Variants in MYCBP2 observed in about 807,000 individuals in gnomAD.
MYCBP2 encodes the protein MYC binding protein 2.
Under a neutral mutation model 525.3 loss-of-function variants are expected in MYCBP2, and 120 were observed. That is an observed-to-expected ratio of 0.23 (90% CI 0.20 to 0.27). The LOEUF (loss-of-function observed/expected upper bound fraction) is 0.27. MYCBP2 is among the 10% of genes least tolerant of loss of function. MYCBP2 has a pLI of 1.00. For missense variants in MYCBP2, 4,149 were observed against 5,657.1 expected, an observed-to-expected ratio of 0.73 and a Z score of 8.55; for synonymous variants, 1,894 against 1,955.8, an observed-to-expected ratio of 0.97 and a Z score of 0.83.
At chr13:77,070,365 G>A (rs966970191) in intron 69 of MYCBP2, among the ~76,000 whole-genome samples, 2 of 152,082 alleles carry the variant, frequency 1.3e-5, no homozygotes, top group Admixed American at 1.3e-4. Context: ...TTTGAATGTG[G>A]CCCAACACAA....
chr13:77,132,192 G>C (rs1411022311), intron 52 of MYCBP2, among the ~76,000 whole-genome samples: 1 of 151,994 alleles, frequency 6.6e-6, no homozygotes, highest in Non-Finnish European at 1.5e-5. Context: ...TAATATTATT[G>C]AGATTAAAAC....
chr13:77,103,370 G>C (rs1439670344), intron 55 of MYCBP2: 2 of 396,514 alleles, frequency 5.0e-6, no homozygotes, highest in Non-Finnish European at 8.9e-6. Context: ...AAATTTAGCA[G>C]AGAACACAAG....
At chr13:77,293,784 C>A (rs1046472071) in intron 2 of MYCBP2, among the ~76,000 whole-genome samples, 8 of 152,130 alleles carry the variant, frequency 5.3e-5, no homozygotes, top group African/African-American at 1.7e-4. Flanking sequence ...CCCAAGACAT[C>A]TGAGCAGCCT....
chr13:77,070,578 A>C (rs1306676784), intron 69 of MYCBP2, 53 bp downstream of exon 69: 30 of 1,272,080 alleles, frequency 2.4e-5, no homozygotes, highest in Non-Finnish European at 3.2e-5. Context: ...AAACAAACAC[A>C]CACACACACA....
intron 5 of MYCBP2, among the ~76,000 whole-genome samples, 185 bp downstream of exon 5, chr13:77,273,287 T>C (rs1178657170): frequency 6.6e-6 from 1 of 152,198 alleles, no homozygotes; most frequent in Admixed American, 6.5e-5. Flanking sequence ...TTATTATATT[T>C]AAAGCTTCAG....
intron 54 of MYCBP2, 66 bp from the exon 55 acceptor site, chr13:77,121,561 A>T: frequency 7.3e-7 from 1 of 1,376,618 alleles, no homozygotes; most frequent in Admixed American, 2.6e-5. Flanking sequence ...TACAACAAAG[A>T]GAGAAAATTG....
At chr13:77,142,086 AT>A (rs2054748325) in intron 49 of MYCBP2, among the ~76,000 whole-genome samples, 1 of 152,308 alleles carries the variant, frequency 6.6e-6, no homozygotes, top group Admixed American at 6.5e-5. Flanking sequence ...AGATAAGATG[AT>A]GAAAAAAACT....
At chr13:77,286,801 T>A (rs1280901347) in intron 3 of MYCBP2, among the ~76,000 whole-genome samples, 2 of 113,702 alleles carry the variant, frequency 1.8e-5, no homozygotes, top group African/African-American at 3.6e-5. Flanking sequence ...TATATATATA[T>A]ATATATATAT....
chr13:77,166,976 TACACACACACACAC>T lies in MYCBP2; in HGVS notation c.6115-436_6115-423del, dbSNP rs539593054. ...ATACTTCAAAGACAAAACACACACA[TACACACACACACAC>T]ACACACACACACACACACACACACA... On this transcript the variant is annotated intron_variant, in intron 40 of 82. Transcript: ENST00000544440. 3.5e-3 allele frequency among the ~76,000 whole-genome samples: 451 copies of T among 127,186 alleles called. 3 individuals carry two copies. The highest frequency in any genetic ancestry group is 9.9e-3 in the African/African-American group (312 of 31,582). 83.4% of individuals were successfully genotyped at this position (127,186 alleles called of 152,430 possible).
At chr13:77,235,447 C>T (rs2067775347) in intron 17 of MYCBP2, among the ~76,000 whole-genome samples, 1 of 151,980 alleles carries the variant, frequency 6.6e-6, no homozygotes, top group East Asian at 1.9e-4. Flanking sequence ...ATTAAAAATA[C>T]ATGTAGCTGA....
chr13:77,305,704 AAAT>A (rs1403301834), intron 1 of MYCBP2, among the ~76,000 whole-genome samples: 2 of 152,164 alleles, frequency 1.3e-5, no homozygotes, highest in Non-Finnish European at 2.9e-5. Context: ...ATTTACCTAC[AAAT>A]AATTTTGTCT....
In MYCBP2 at chr13:77,077,199, C is replaced by T. The variant is rs767345005; in HGVS notation, c.11673G>A (p.Gln3891=). 5.6e-6 allele frequency: 9 copies of T among 1,614,058 alleles called. No homozygotes were observed. The highest frequency in any genetic ancestry group is 5.9e-6 in the Non-Finnish European group (7 of 1,179,976). ...AGQISASVAQ[Q]RNCEAETLRV... ...GCAGAGTCTCAGCTTCACAGTTCCTCTGCTGGGCCACACTGGCTGAAATCT... is the reference window on the plus strand; with the variant it reads ...GCAGAGTCTCAGCTTCACAGTTCCTTTGCTGGGCCACACTGGCTGAAATCT... The change falls in exon 67 of 83, where the codon CAG becomes CAA. Residue 3891 remains glutamine, a synonymous_variant. Transcript: ENST00000544440.
chr13:77,110,258 G>A (rs961691653), intron 55 of MYCBP2, among the ~76,000 whole-genome samples: 1 of 152,088 alleles, frequency 6.6e-6, no homozygotes, highest in Non-Finnish European at 1.5e-5. Flanking sequence ...TGCATTCCTG[G>A]GGGGAGGTCT....
At chr13:77,250,869 G>C (rs1312801611) in intron 15 of MYCBP2, among the ~76,000 whole-genome samples, 1 of 151,984 alleles carries the variant, frequency 6.6e-6, no homozygotes, top group African/African-American at 2.4e-5. Flanking sequence ...ACAAATAAAA[G>C]TACAGCCCCA....
intron 32 of MYCBP2, 39 bp from the exon 33 acceptor site, chr13:77,181,961 A>T: frequency 2.0e-6 from 3 of 1,491,404 alleles, no homozygotes; most frequent in Middle Eastern, 1.7e-4. Flanking sequence ...ACCAAAAAAT[A>T]TAGCATCAGT....
intron 7 of MYCBP2, 119 bp downstream of exon 7, chr13:77,269,873 A>T (rs2074634048): frequency 1.3e-6 from 1 of 786,374 alleles, no homozygotes; most frequent in African/African-American, 1.7e-5. Flanking sequence ...TTATGGCCAT[A>T]TTAGTAAAAA....
intron 55 of MYCBP2, among the ~76,000 whole-genome samples, chr13:77,112,300 T>A (rs1423558708): frequency 6.8e-6 from 1 of 146,740 alleles, no homozygotes; most frequent in East Asian, 1.9e-4. Context: ...TATATATATA[T>A]AAAATATATA....
At chr13:77,293,153 G>A (rs1281410654) in intron 2 of MYCBP2, among the ~76,000 whole-genome samples, 3 of 152,152 alleles carry the variant, frequency 2.0e-5, no homozygotes, top group Non-Finnish European at 4.4e-5. Context: ...GGATTAGGAA[G>A]TTGAGGAACT....
chr13:77,139,089 T>C, intron 52 of MYCBP2, 107 bp downstream of exon 52: 1 of 1,221,380 alleles, frequency 8.2e-7, no homozygotes, highest in Non-Finnish European at 1.1e-6. Context: ...AAAGTAAAGG[T>C]TACTTAGTTG....
Sources: allele counts gnomAD v4.1 joint callset (sites outside exome capture counted in the v4.1 genomes callset), GRCh38; gene constraint gnomAD v4.1.1; transcripts MANE v1.5; gene names NCBI Gene and HGNC (gene_info 2026-07-23, HGNC 2026-07-21).